The following BMAL2 variants were observed in gnomAD, a reference collection of about 807,000 sequenced individuals.
BMAL2 encodes the protein basic helix-loop-helix ARNT-like protein 2.
At chr12:27,377,841 C>G in the BMAL2 span, among the ~76,000 whole-genome samples, 3 of 152,160 alleles carry the variant, frequency 2.0e-5, no homozygotes, top group African/African-American at 7.2e-5. Context: ...ATCCTATCCA[C>G]TTCGCCCAAC....
chr12:27,402,301 T>TA, the BMAL2 span, among the ~76,000 whole-genome samples: 92 of 143,590 alleles, frequency 6.4e-4, no homozygotes, highest in Middle Eastern at 7.2e-3. Context: ...AGAAAAATAA[T>TA]AAAAAAAAAA....
chr12:27,412,962 C>T, the BMAL2 span, among the ~76,000 whole-genome samples: 1 of 150,306 alleles, frequency 6.7e-6, no homozygotes. Flanking sequence ...CCTTGCAGGC[C>T]GGGAGAGAAT....
chr12:27,381,878 T>C, the BMAL2 span, among the ~76,000 whole-genome samples: 4 of 152,146 alleles, frequency 2.6e-5, no homozygotes, highest in African/African-American at 9.7e-5. Context: ...GAAATTTGGC[T>C]CAAAAATCAT....
the BMAL2 span, chr12:27,368,310 G>A: frequency 1.9e-6 from 3 of 1,614,014 alleles, no homozygotes; most frequent in African/African-American, 4.0e-5. Context: ...GTGGTTTCCA[G>A]CCGCGTGAGT....
chr12:27,350,891 GCTGGT>G, the BMAL2 span, among the ~76,000 whole-genome samples: 20 of 151,876 alleles, frequency 1.3e-4, no homozygotes, highest in Middle Eastern at 0.01. Flanking sequence ...TGTTGGCCAG[GCTGGT>G]CTCGAACTCC....
chr12:27,383,454 G>A, the BMAL2 span, among the ~76,000 whole-genome samples: 1 of 152,130 alleles, frequency 6.6e-6, no homozygotes, highest in Non-Finnish European at 1.5e-5. Context: ...CAAGTGTGCA[G>A]AACACCATGG....
At chr12:27,341,825 A>G in the BMAL2 span, among the ~76,000 whole-genome samples, 1 of 152,220 alleles carries the variant, frequency 6.6e-6, no homozygotes, top group Non-Finnish European at 1.5e-5. Flanking sequence ...TTTAAACAAT[A>G]AGAAATCCGG....
chr12:27,373,854 A>G, the BMAL2 span, among the ~76,000 whole-genome samples: 1 of 152,236 alleles, frequency 6.6e-6, no homozygotes, highest in South Asian at 2.1e-4. Context: ...GTTCTACACT[A>G]AGAAAATGTA....
chr12:27,414,033 C>G, the BMAL2 span, among the ~76,000 whole-genome samples: 1 of 151,810 alleles, frequency 6.6e-6, no homozygotes, highest in African/African-American at 2.4e-5. Flanking sequence ...ACAGCAAGAC[C>G]CTGTCTTGAA....
At chr12:27,380,413 G>C in the BMAL2 span, 14 of 1,613,934 alleles carry the variant, frequency 8.7e-6, no homozygotes, top group East Asian at 3.1e-4. Context: ...AGGTGAGTTT[G>C]ACGATGGCTT....
chr12:27,405,823 G>A, the BMAL2 span, among the ~76,000 whole-genome samples: 1 of 152,108 alleles, frequency 6.6e-6, no homozygotes, highest in South Asian at 2.1e-4. Context: ...TGAACCCATG[G>A]CAAAGAAGTT....
chr12:27,379,429 G>A, the BMAL2 span, among the ~76,000 whole-genome samples: 1 of 152,204 alleles, frequency 6.6e-6, no homozygotes, highest in African/African-American at 2.4e-5. Context: ...AGAGTGAGGA[G>A]AGAGCGGTGC....
chr12:27,406,450 A>G, the BMAL2 span, among the ~76,000 whole-genome samples: 47 of 152,324 alleles, frequency 3.1e-4, no homozygotes, highest in African/African-American at 1.1e-3. Flanking sequence ...AACATTGTTA[A>G]AGAAAAGAAT....
At chr12:27,416,056 G>A in the BMAL2 span, 1 of 748,754 alleles carries the variant, frequency 1.3e-6, no homozygotes, top group Non-Finnish European at 2.2e-6. Context: ...AAAAAAAAAT[G>A]AACCCATTTT....
the BMAL2 span, among the ~76,000 whole-genome samples, chr12:27,349,569 G>A: frequency 8.5e-5 from 13 of 152,250 alleles, no homozygotes; most frequent in Non-Finnish European, 1.9e-4. Context: ...ACACCCTTCA[G>A]TCTGACCATT....
At chr12:27,379,280 T>G in the BMAL2 span, among the ~76,000 whole-genome samples, 1 of 152,212 alleles carries the variant, frequency 6.6e-6, no homozygotes, top group Non-Finnish European at 1.5e-5. Flanking sequence ...TTTAGATTTC[T>G]TGAGAATCAT....
the BMAL2 span, among the ~76,000 whole-genome samples, chr12:27,353,421 C>G: frequency 2.6e-5 from 4 of 152,090 alleles, no homozygotes; most frequent in South Asian, 2.1e-4. Context: ...ATACAAAAAT[C>G]AACTCAAGGT....
At chr12:27,403,603 T>A in the BMAL2 span, 1 of 1,073,874 alleles carries the variant, frequency 9.3e-7, no homozygotes. Flanking sequence ...AAAATCAATA[T>A]ACAAAAATCA....
chr12:27,372,965 G>A, the BMAL2 span, among the ~76,000 whole-genome samples: 8 of 152,130 alleles, frequency 5.3e-5, no homozygotes, highest in Admixed American at 1.3e-4. Flanking sequence ...GAGCCACTGC[G>A]CCCAGCCAAT....
Sources: gnomAD v4.1 joint callset for allele counts (sites outside exome capture counted in the v4.1 genomes callset) on GRCh38, gnomAD v4.1.1 for gene constraint, MANE v1.5 for transcripts, NCBI Gene and HGNC (gene_info 2026-07-23, HGNC 2026-07-21) for gene names.